Variants in UNC13C observed in about 807,000 individuals in gnomAD.
UNC13C encodes unc-13 homolog C, also known as protein unc-13 homolog C.
UNC13C carries 174 observed loss-of-function variants against 245.4 expected under a neutral mutation model. That is an observed-to-expected ratio of 0.71 (90% CI 0.63 to 0.80). The LOEUF (loss-of-function observed/expected upper bound fraction) is 0.80, where lower values mean the gene tolerates loss of function less well. Ranked by LOEUF, UNC13C falls within the 30% of genes least tolerant of loss-of-function variation. UNC13C has a pLI of 0.00. For synonymous variants in UNC13C, 992 were observed against 895.1 expected, an observed-to-expected ratio of 1.11 and a Z score of -1.93; for missense variants, 2,829 against 2,602.9, an observed-to-expected ratio of 1.09 and a Z score of -1.89.
intron 2 of UNC13C, among the ~76,000 whole-genome samples, chr15:54,046,741 T>C (rs1946527): frequency 0.13 from 20,149 of 151,844 alleles, 1,748 homozygotes; most frequent in East Asian, 0.33. Flanking sequence ...TATAACAATA[T>C]AGAAAATATA....
the UNC13C span, among the ~76,000 whole-genome samples, chr15:53,921,567 T>C: frequency 6.6e-6 from 1 of 152,230 alleles, no homozygotes; most frequent in Non-Finnish European, 1.5e-5. Context: ...TTCTCCAATC[T>C]AATAACTTCT....
At chr15:54,482,367 T>A (rs1424925990) in intron 19 of UNC13C, among the ~76,000 whole-genome samples, 1 of 152,168 alleles carries the variant, frequency 6.6e-6, no homozygotes, top group African/African-American at 2.4e-5. Flanking sequence ...ACTCCTTCTT[T>A]GAATTAATCC....
intron 8 of UNC13C, among the ~76,000 whole-genome samples, chr15:54,263,779 A>G (rs1221187512): frequency 1.3e-5 from 2 of 152,070 alleles, no homozygotes; most frequent in East Asian, 1.9e-4. Context: ...CTTATATTCT[A>G]TCTATTTCTC....
intron 19 of UNC13C, among the ~76,000 whole-genome samples, chr15:54,423,896 T>G (rs1203951184): frequency 6.6e-6 from 1 of 151,922 alleles, no homozygotes; most frequent in Admixed American, 6.6e-5. Flanking sequence ...AAAACTTGCT[T>G]AGATTTTTCT....
chr15:53,965,573 A>AT, the UNC13C span, among the ~76,000 whole-genome samples: 11 of 124,766 alleles, frequency 8.8e-5, no homozygotes, highest in African/African-American at 2.8e-4. Context: ...TTTATTTATT[A>AT]TTATTATTAT....
At chr15:54,479,864 T>G (rs1010667440) in intron 19 of UNC13C, among the ~76,000 whole-genome samples, 5 of 152,146 alleles carry the variant, frequency 3.3e-5, no homozygotes, top group Admixed American at 6.5e-5. Context: ...TCCTTCTGTT[T>G]TTGTTTGTCT....
At chr15:54,404,981 C>A (rs1043230753) in intron 18 of UNC13C, among the ~76,000 whole-genome samples, 3 of 152,112 alleles carry the variant, frequency 2.0e-5, no homozygotes, top group Non-Finnish European at 4.4e-5. Context: ...TTTTCATTCA[C>A]TTTATGTGAT....
At chr15:54,254,571 A>G (rs2036231380) in intron 8 of UNC13C, among the ~76,000 whole-genome samples, 1 of 152,200 alleles carries the variant, frequency 6.6e-6, no homozygotes, top group South Asian at 2.1e-4. Flanking sequence ...TTTAAATATC[A>G]TCTTTCCATA....
chr15:53,908,752 C>CA, the UNC13C span, among the ~76,000 whole-genome samples: 160 of 88,174 alleles, frequency 1.8e-3, 16 homozygotes, highest in South Asian at 0.014. Context: ...AACCTTTCTC[C>CA]AAAAAAAAAA....
At chr15:53,961,272 G>A in the UNC13C span, among the ~76,000 whole-genome samples, 67 of 152,358 alleles carry the variant, frequency 4.4e-4, no homozygotes, top group South Asian at 2.1e-4. Context: ...CTGAGCCTTG[G>A]TGCTCTTATT....
At chr15:53,929,331 G>C in the UNC13C span, among the ~76,000 whole-genome samples, 1 of 152,110 alleles carries the variant, frequency 6.6e-6, no homozygotes, top group Admixed American at 6.5e-5. Flanking sequence ...TTCCAGATGA[G>C]ATTTGGGTGG....
chr15:54,420,557 A>G (rs1168125271), intron 19 of UNC13C, among the ~76,000 whole-genome samples: 1 of 151,988 alleles, frequency 6.6e-6, no homozygotes, highest in African/African-American at 2.4e-5. Flanking sequence ...TGTCATCTTG[A>G]AGGCTGGCTA....
At position 54,500,808 on chromosome 15, in the gene UNC13C, G is replaced by C. The variant is rs966130912; in HGVS notation, c.5158-27G>C. On this transcript the variant is annotated intron_variant, in intron 21 of 32. Coordinates refer to ENST00000260323, the MANE Select transcript of UNC13C (RefSeq NM_001080534.3). ...CATTCCGCCTCTAATGTACTGTTTG[G>C]GATGGTTTCACCTCCTCTCCCCACA... The C allele has an allele frequency of 4.3e-6, 7 of 1,609,382 alleles. No homozygotes were observed. In the African/African-American group the frequency reaches 9.4e-5, roughly 22 times the overall value.
intron 2 of UNC13C, among the ~76,000 whole-genome samples, chr15:54,096,359 G>T (rs1899863850): frequency 6.6e-6 from 1 of 151,760 alleles, no homozygotes; most frequent in Non-Finnish European, 1.5e-5. Context: ...GTCTGTGATA[G>T]ACCAAGAACT....
At position 54,118,802 on chromosome 15, in the gene UNC13C, A is replaced by G. The variant is rs144302921; in HGVS notation, c.2984-24216A>G. ...GTCATTTATGGCCTTTATTATTTTG[A>G]GGTATGTTTTTTCTATACTCTGTTT... On this transcript the variant is annotated intron_variant, in intron 2 of 32. Transcript: ENST00000260323. Among the ~76,000 whole-genome samples the G allele has an allele frequency of 5.3e-3, 795 of 151,372 alleles. 11 individuals carry two copies. Among genetic ancestry groups the G allele is most frequent in the African/African-American group, 0.019 (768 of 41,288 alleles).
chr15:53,851,379 G>A, the UNC13C span, among the ~76,000 whole-genome samples: 37 of 152,274 alleles, frequency 2.4e-4, no homozygotes, highest in African/African-American at 8.4e-4. Flanking sequence ...AGTAACAGGA[G>A]CTACCTTTAC....
intron 19 of UNC13C, among the ~76,000 whole-genome samples, chr15:54,430,750 A>G (rs993458805): frequency 1.7e-4 from 26 of 151,782 alleles, no homozygotes; most frequent in Admixed American, 2.0e-4. Flanking sequence ...ACTAAATACT[A>G]TCTCAGGAAT....
chr15:54,410,677 C>A (rs2040398829), intron 18 of UNC13C, among the ~76,000 whole-genome samples: 1 of 151,728 alleles, frequency 6.6e-6, no homozygotes, highest in African/African-American at 2.4e-5. Context: ...AGGTGTGTGG[C>A]CTTATTTCTG....
chr15:54,080,917 C>T (rs1463398436), intron 2 of UNC13C, among the ~76,000 whole-genome samples: 1 of 145,510 alleles, frequency 6.9e-6, no homozygotes, highest in Non-Finnish European at 1.5e-5. Context: ...AATTTGAGAA[C>T]TTTCTTTCTT....
Sources: gnomAD v4.1 joint callset for allele counts (sites outside exome capture counted in the v4.1 genomes callset) on GRCh38, gnomAD v4.1.1 for gene constraint, MANE v1.5 for transcripts, NCBI Gene and HGNC (gene_info 2026-07-23, HGNC 2026-07-21) for gene names.